The following FAM81A variants were observed in gnomAD, a reference collection of about 807,000 sequenced individuals.
FAM81A encodes protein FAM81A.
A neutral mutation model predicts 46.7 loss-of-function variants in FAM81A; 19 were observed. That is an observed-to-expected ratio of 0.41 (90% CI 0.28 to 0.60). The LOEUF (loss-of-function observed/expected upper bound fraction) is 0.60, where lower values mean the gene tolerates loss of function less well. Ranked by LOEUF, FAM81A falls within the 20% of genes least tolerant of loss-of-function variation. The probability of loss-of-function intolerance (pLI) is 0.34; values close to 1 mark genes in which losing one functional copy is unlikely to be tolerated. For missense variants in FAM81A, 377 were observed against 453.5 expected, an observed-to-expected ratio of 0.83 and a Z score of 1.53; for synonymous variants, 183 against 152.9, an observed-to-expected ratio of 1.20 and a Z score of -1.45.
intron 4 of FAM81A, among the ~76,000 whole-genome samples, chr15:59,502,531 T>C (rs1037545623): frequency 3.8e-5 from 5 of 131,222 alleles, no homozygotes; most frequent in Non-Finnish European, 8.2e-5. Context: ...GTGTGTGTTT[T>C]GAGACAGAGT....
chr15:59,426,379 G>T (rs1218447315), intron 2 of FAM81A, among the ~76,000 whole-genome samples: 1 of 152,148 alleles, frequency 6.6e-6, no homozygotes, highest in East Asian at 1.9e-4. Flanking sequence ...GACCGAGGTG[G>T]GCGATCACCT....
intron 2 of FAM81A, among the ~76,000 whole-genome samples, chr15:59,410,886 G>A (rs1055544987): frequency 3.9e-5 from 6 of 152,104 alleles, no homozygotes; most frequent in Non-Finnish European, 5.9e-5. Context: ...GAATAGCTGG[G>A]ATTACAGGCA....
rs2082205677 is a variant in FAM81A at position 59,511,312 on chromosome 15, T to G, written c.650+2343T>G. 2.0e-5 allele frequency among the ~76,000 whole-genome samples: 3 copies of G among 151,546 alleles called. No individual in the cohort carries two copies. In the South Asian group the frequency reaches 6.3e-4, roughly 32 times the overall value. On this transcript the variant is annotated intron_variant, in intron 6 of 8. Coordinates refer to ENST00000288228, the MANE Select transcript of FAM81A (RefSeq NM_152450.3). ...AGATTTCTGAAATTATTCTTAGGAG[T>G]TTTTCAGGATCAAATTAGAAACATT...
chr15:59,479,084 G>A (rs201202219), intron 3 of FAM81A, among the ~76,000 whole-genome samples: 1 of 152,234 alleles, frequency 6.6e-6, no homozygotes, highest in East Asian at 1.9e-4. Context: ...AAGCACACAG[G>A]CCTCTGATCT....
chr15:59,422,669 G>T (rs1450598013), intron 2 of FAM81A, among the ~76,000 whole-genome samples: 2 of 151,840 alleles, frequency 1.3e-5, no homozygotes, highest in African/African-American at 4.8e-5. Context: ...GTAGAGACGG[G>T]GTTTCACTGT....
At chr15:59,495,186 C>A (rs1407321827) in intron 4 of FAM81A, among the ~76,000 whole-genome samples, 1 of 152,184 alleles carries the variant, frequency 6.6e-6, no homozygotes, top group East Asian at 1.9e-4. Context: ...AGCTGTCACT[C>A]CCCATTTTTC....
intron 8 of FAM81A, 50 bp from the exon 9 acceptor site, chr15:59,521,204 A>G (rs367973353): frequency 2.7e-5 from 43 of 1,579,780 alleles, no homozygotes; most frequent in Non-Finnish European, 3.6e-5. Flanking sequence ...AATTTGATAC[A>G]GCATTTTAAA....
intron 3 of FAM81A, among the ~76,000 whole-genome samples, chr15:59,472,559 CT>C (rs11289675): frequency 0.8 from 115,431 of 144,984 alleles, 46,176 homozygotes; most frequent in African/African-American, 0.92. Context: ...TTCCCCATTC[CT>C]TTTTTTTTTT....
At chr15:59,511,525 G>A (rs1314200510) in intron 6 of FAM81A, among the ~76,000 whole-genome samples, 1 of 152,200 alleles carries the variant, frequency 6.6e-6, no homozygotes, top group South Asian at 2.1e-4. Flanking sequence ...ATGTGAAGTA[G>A]TACAACCACT....
intron 8 of FAM81A, among the ~76,000 whole-genome samples, chr15:59,519,613 TCTTC>T (rs1567081209): frequency 6.8e-6 from 1 of 146,930 alleles, no homozygotes; most frequent in Non-Finnish European, 1.5e-5. Flanking sequence ...CCCCTTCCCT[TCTTC>T]CTTCCTTTTC....
intron 4 of FAM81A, among the ~76,000 whole-genome samples, chr15:59,501,270 AG>A (rs1399407748): frequency 1.3e-5 from 2 of 152,110 alleles, no homozygotes; most frequent in South Asian, 2.1e-4. Flanking sequence ...TGGTTTTGGA[AG>A]GGCTCTGTTT....
At chr15:59,417,050 T>TA (rs2081149787) in intron 2 of FAM81A, among the ~76,000 whole-genome samples, 1 of 151,498 alleles carries the variant, frequency 6.6e-6, no homozygotes, top group South Asian at 2.1e-4. Context: ...GGGGCTGGGG[T>TA]AGGGGGAGAC....
chr15:59,497,192 A>C (rs1471166014), intron 4 of FAM81A, among the ~76,000 whole-genome samples: 3 of 151,750 alleles, frequency 2.0e-5, no homozygotes, highest in Admixed American at 1.3e-4. Context: ...TCACGCCTGT[A>C]ATCCCAGCAC....
intron 6 of FAM81A, among the ~76,000 whole-genome samples, chr15:59,513,088 C>G (rs531045137): frequency 6.6e-6 from 1 of 152,088 alleles, no homozygotes; most frequent in Non-Finnish European, 1.5e-5. Flanking sequence ...ATACATTCTT[C>G]TGTATTTTAT....
intron 4 of FAM81A, among the ~76,000 whole-genome samples, chr15:59,501,630 T>C (rs1333760991): frequency 1.3e-5 from 2 of 152,150 alleles, no homozygotes; most frequent in Non-Finnish European, 1.5e-5. Context: ...GTCATACCCT[T>C]TAGACGTTTG....
chr15:59,437,086 C>T (rs187042885), upstream of FAM81A, among the ~76,000 whole-genome samples: 7 of 152,294 alleles, frequency 4.6e-5, no homozygotes, highest in East Asian at 1.3e-3. Context: ...GGTGAGGAAA[C>T]AGTCGCAGAA....
intron 3 of FAM81A, among the ~76,000 whole-genome samples, chr15:59,463,618 G>A (rs997864105): frequency 6.6e-6 from 1 of 152,008 alleles, no homozygotes; most frequent in African/African-American, 2.4e-5. Context: ...AGAGGTAGGA[G>A]AATCACTTGA....
At chr15:59,478,298 G>T (rs2081799921) in intron 3 of FAM81A, among the ~76,000 whole-genome samples, 2 of 152,162 alleles carry the variant, frequency 1.3e-5, no homozygotes, top group Non-Finnish European at 2.9e-5. Context: ...ACCTAGTTGG[G>T]TTATGGGAAA....
At chr15:59,416,002 C>A (rs967315928) in intron 2 of FAM81A, among the ~76,000 whole-genome samples, 4 of 152,188 alleles carry the variant, frequency 2.6e-5, no homozygotes, top group African/African-American at 9.6e-5. Flanking sequence ...TAGGGCTGCT[C>A]TTCTAAAACA....
Sources: gnomAD v4.1 joint callset for allele counts (sites outside exome capture counted in the v4.1 genomes callset) on GRCh38, gnomAD v4.1.1 for gene constraint, MANE v1.5 for transcripts, NCBI Gene and HGNC (gene_info 2026-07-23, HGNC 2026-07-21) for gene names.